Variants in FAR2 observed in about 807,000 individuals in gnomAD.
The protein encoded by FAR2 is epididymis secretory protein Li 81.
FAR2 carries 19 observed loss-of-function variants against 56.0 expected under a neutral mutation model. The ratio of observed to expected loss-of-function variants is 0.34; its 90% CI spans 0.24 to 0.50. The LOEUF (loss-of-function observed/expected upper bound fraction) is 0.50. Among genes scored for constraint, FAR2 ranks in the 20% least tolerant of loss-of-function variants. The pLI is 0.98. For synonymous variants in FAR2, 219 were observed against 218.8 expected (o/e 1.00, Z -0.01); for missense variants, 508 against 642.2 (o/e 0.79, Z 2.26).
intron 1 of FAR2, among the ~76,000 whole-genome samples, chr12:29,175,605 A>G (rs992923089): frequency 1.3e-5 from 2 of 152,080 alleles, no homozygotes; most frequent in African/African-American, 4.8e-5. Context: ...TGATTGATCC[A>G]TTTTACAGAG....
intron 1 of FAR2, among the ~76,000 whole-genome samples, chr12:29,242,552 A>G (rs946891913): frequency 2.6e-5 from 4 of 152,328 alleles, no homozygotes; most frequent in East Asian, 1.9e-4. Context: ...TGGGCTCCCA[A>G]CTGTTCATAT....
intron 1 of FAR2, among the ~76,000 whole-genome samples, chr12:29,245,829 G>A (rs1253226749): frequency 1.3e-5 from 2 of 151,902 alleles, no homozygotes; most frequent in Admixed American, 6.6e-5. Context: ...AATACACATC[G>A]GACTTTCTCA....
At chr12:29,268,182 G>A (rs975644361) in intron 1 of FAR2, among the ~76,000 whole-genome samples, 4 of 152,176 alleles carry the variant, frequency 2.6e-5, no homozygotes, top group Admixed American at 2.6e-4. Flanking sequence ...GACACTTCTA[G>A]TTGTTTTTTT....
Position 29,307,705 on chromosome 12 carries a change from G to A in FAR2, c.593G>A (p.Arg198Lys). The part of the protein sequence containing the change: ...IIDEITPKLI[R>K]DWPNIYTYTK... ...GACGAGATTACACCCAAGCTGATCA[G>A]AGATTGGCCCAATATTTATACCTAC... The change falls in exon 5 of 12, where the codon AGA becomes AAA. Residue 198 changes from arginine (R) to lysine (K), a missense_variant. Physicochemically the swap from Arg to Lys is conservative, Grantham distance 26. Transcript: ENST00000536681. The A allele has an allele frequency of 6.2e-7, 1 of 1,613,844 alleles. No individual in the cohort carries two copies. The highest frequency in any genetic ancestry group is 8.5e-7 in the Non-Finnish European group (1 of 1,179,840).
intron 10 of FAR2, among the ~76,000 whole-genome samples, chr12:29,330,749 C>T (rs1949719538): frequency 1.3e-5 from 2 of 152,060 alleles, no homozygotes; most frequent in South Asian, 4.1e-4. Context: ...ATCGTGTAGC[C>T]ATTTTAAAGT....
At chr12:29,281,183 G>A (rs1948778146) in intron 2 of FAR2, 1 of 152,166 alleles carries the variant, frequency 6.6e-6, no homozygotes, top group Non-Finnish European at 1.5e-5. Flanking sequence ...GGTAGAAAAT[G>A]TCTCTGTTCT....
chr12:29,257,774 C>T (rs946806282), intron 1 of FAR2, among the ~76,000 whole-genome samples: 1 of 152,098 alleles, frequency 6.6e-6, no homozygotes, highest in Non-Finnish European at 1.5e-5. Flanking sequence ...CACATCTGAA[C>T]ATCAGAAGGA....
At chr12:29,321,167 C>T (rs189355616) in intron 9 of FAR2, among the ~76,000 whole-genome samples, 55 of 151,760 alleles carry the variant, frequency 3.6e-4, no homozygotes, top group Non-Finnish European at 5.9e-4. Context: ...ACACTTCTGC[C>T]CAAAAGTTAC....
chr12:29,326,273 CA>C (rs1352240745), intron 10 of FAR2, among the ~76,000 whole-genome samples: 2 of 152,046 alleles, frequency 1.3e-5, no homozygotes, highest in African/African-American at 2.4e-5. Flanking sequence ...GCTTACCAAC[CA>C]AAAAAAGTCC....
intron 10 of FAR2, among the ~76,000 whole-genome samples, chr12:29,323,848 C>G (rs1949596577): frequency 6.6e-6 from 1 of 152,204 alleles, no homozygotes; most frequent in Admixed American, 6.5e-5. Flanking sequence ...GCCTCTCTTC[C>G]TCCAAAGGAA....
At chr12:29,282,548 C>A (rs1591925283) in intron 2 of FAR2, among the ~76,000 whole-genome samples, 1 of 142,296 alleles carries the variant, frequency 7.0e-6, no homozygotes, top group East Asian at 2.1e-4. Context: ...TAACTCACTG[C>A]AAGTACTACA....
chr12:29,183,840 T>C (rs534384625), intron 1 of FAR2, among the ~76,000 whole-genome samples: 2 of 152,356 alleles, frequency 1.3e-5, no homozygotes, highest in East Asian at 3.9e-4. Context: ...TCATGTATCA[T>C]TCATGTATTA....
chr12:29,298,559 G>A (rs777408610), intron 4 of FAR2, among the ~76,000 whole-genome samples: 27 of 152,262 alleles, frequency 1.8e-4, no homozygotes, highest in Admixed American at 5.2e-4. Flanking sequence ...GGATCTGGAG[G>A]TTAAAGTTGC....
intron 4 of FAR2, among the ~76,000 whole-genome samples, chr12:29,300,568 G>T (rs1949145503): frequency 6.6e-6 from 1 of 152,122 alleles, no homozygotes; most frequent in African/African-American, 2.4e-5. Context: ...AGGTTTTTAG[G>T]TTTCTATTTC....
intron 1 of FAR2, among the ~76,000 whole-genome samples, chr12:29,167,719 A>G (rs542311488): frequency 6.6e-6 from 1 of 152,340 alleles, no homozygotes; most frequent in African/African-American, 2.4e-5. Flanking sequence ...AAATACTACA[A>G]TCCAACAACA....
At position 29,161,866 on chromosome 12, in the gene FAR2, T is replaced by G. The variant is rs1169582178; in HGVS notation, c.-39+12459T>G. 2.0e-5 allele frequency among the ~76,000 whole-genome samples: 3 copies of G among 152,184 alleles called. No individual in the cohort carries two copies. In the East Asian group the frequency reaches 5.8e-4, roughly 29 times the overall value. On this transcript the variant is annotated intron_variant, in intron 1 of 11. Coordinates refer to ENST00000536681, the MANE Select transcript of FAR2 (RefSeq NM_001271783.2). The stretch of plus-strand genomic sequence containing the variant: ...GGCATGGTAGTTTTATTTGTATTTC[T>G]CTGGTGAGTGAAAAGATTGAGCACC...
chr12:29,293,881 TTTTAA>T (rs1949013919), intron 3 of FAR2, among the ~76,000 whole-genome samples: 1 of 152,206 alleles, frequency 6.6e-6, no homozygotes, highest in Non-Finnish European at 1.5e-5. Context: ...ATTTGGATTG[TTTTAA>T]TTTTTCACTA....
In FAR2 at chr12:29,249,967, A is replaced by T. The variant is rs12307617; in HGVS notation, c.-38-20445A>T. Among the ~76,000 whole-genome samples, 805 of 152,218 alleles carry T rather than the reference A, an allele frequency of 5.3e-3. 14 individuals carry two copies. Among genetic ancestry groups the T allele is most frequent in the African/African-American group, 0.019 (775 of 41,516 alleles). ...GCCTTCCTTAATTAAAATCTCAGAAAATGAGATCTAGTAAAGAGTGATCTT... is the reference window on the plus strand; with the variant it reads ...GCCTTCCTTAATTAAAATCTCAGAATATGAGATCTAGTAAAGAGTGATCTT... On this transcript the variant is annotated intron_variant, in intron 1 of 11. Transcript: ENST00000536681.
intron 1 of FAR2, among the ~76,000 whole-genome samples, chr12:29,169,150 C>T (rs1414278623): frequency 1.3e-5 from 2 of 152,212 alleles, no homozygotes; most frequent in African/African-American, 2.4e-5. Context: ...GGAAGTCCAG[C>T]TGGCTTCACC....
Sources: gnomAD v4.1 joint callset for allele counts (sites outside exome capture counted in the v4.1 genomes callset) on GRCh38, gnomAD v4.1.1 for gene constraint, MANE v1.5 for transcripts, NCBI Gene and HGNC (gene_info 2026-07-23, HGNC 2026-07-21) for gene names.